The following RBFOX1 variants were observed in gnomAD, a reference collection of about 807,000 sequenced individuals.
The protein encoded by RBFOX1 is RNA binding fox-1 homolog 1.
RBFOX1 carries 8 observed loss-of-function variants against 57.7 expected under a neutral mutation model. The ratio of observed to expected loss-of-function variants is 0.14; its 90% CI spans 0.08 to 0.25. The LOEUF is 0.25. Ranked by LOEUF, RBFOX1 falls within the 10% of genes least tolerant of loss-of-function variation. The pLI is 1.00. For missense variants in RBFOX1, 611 were observed against 548.5 expected, an observed-to-expected ratio of 1.11 and a Z score of -1.14; for synonymous variants, 326 against 222.4, an observed-to-expected ratio of 1.47 and a Z score of -4.15.
chr16:6,351,621 G>A (rs537226092), intron 2 of RBFOX1, among the ~76,000 whole-genome samples: 8 of 151,908 alleles, frequency 5.3e-5, no homozygotes, highest in African/African-American at 1.7e-4. Context: ...TGATCCGCCC[G>A]TCTTGGCCTC....
At chr16:7,492,330 A>G (rs1388680008) in intron 4 of RBFOX1, among the ~76,000 whole-genome samples, 1 of 152,150 alleles carries the variant, frequency 6.6e-6, no homozygotes, top group East Asian at 1.9e-4. Context: ...ATGGGGGTCA[A>G]CTTTTCTACC....
chr16:5,630,602 C>T (rs2151302809), intron 3 of RBFOX1, among the ~76,000 whole-genome samples: 1 of 152,316 alleles, frequency 6.6e-6, no homozygotes, highest in African/African-American at 2.4e-5. Context: ...TCATGATACT[C>T]TTGATGGAAA....
chr16:6,335,396 T>G lies in RBFOX1; in HGVS notation c.-64+18339T>G, dbSNP rs1305113732. ...GAAGAGAGCCAGGAGAGGGAGGAAG[T>G]TCTAGAAATGTGCTATTGGTAAATA... is the stretch of plus-strand genomic sequence containing the variant. On this transcript the variant is annotated intron_variant, in intron 2 of 15. Coordinates refer to ENST00000550418, the MANE Select transcript of RBFOX1 (RefSeq NM_018723.4). Among the ~76,000 whole-genome samples, 6 of 152,026 alleles carry G rather than the reference T, an allele frequency of 3.9e-5. No individual in the cohort carries two copies. In the East Asian group the frequency reaches 1.2e-3, roughly 29 times the overall value.
chr16:7,613,261 A>G (rs558831521), intron 10 of RBFOX1, among the ~76,000 whole-genome samples: 1 of 152,310 alleles, frequency 6.6e-6, no homozygotes, highest in South Asian at 2.1e-4. Flanking sequence ...TTGAGAGGGA[A>G]AAGAAAATGA....
intron 4 of RBFOX1, among the ~76,000 whole-genome samples, chr16:7,327,499 C>G (rs982520152): frequency 2.0e-5 from 3 of 152,144 alleles, no homozygotes; most frequent in Non-Finnish European, 2.9e-5. Context: ...TTGAAATAAA[C>G]ATTGTCAATA....
intron 9 of RBFOX1, among the ~76,000 whole-genome samples, chr16:7,602,079 G>A (rs970375763): frequency 9.2e-5 from 14 of 152,148 alleles, no homozygotes; most frequent in African/African-American, 3.4e-4. Flanking sequence ...TCTGGAATGC[G>A]TTTCTTTGAT....
At chr16:5,890,819 A>G (rs1410161912) in intron 4 of RBFOX1, among the ~76,000 whole-genome samples, 1 of 152,068 alleles carries the variant, frequency 6.6e-6, no homozygotes, top group Non-Finnish European at 1.5e-5. Context: ...AAGAGGGTTA[A>G]ATGGAATGAT....
At chr16:6,970,167 G>C (rs1031747046) in intron 3 of RBFOX1, among the ~76,000 whole-genome samples, 3 of 151,566 alleles carry the variant, frequency 2.0e-5, no homozygotes, top group Non-Finnish European at 4.4e-5. Flanking sequence ...AACAGAACAA[G>C]ACTCTGGGGG....
chr16:6,964,206 A>G (rs1325697311), intron 3 of RBFOX1, among the ~76,000 whole-genome samples: 2 of 151,670 alleles, frequency 1.3e-5, no homozygotes, highest in African/African-American at 2.4e-5. Context: ...TTTAGTAGAG[A>G]TGGGGTTTCA....
intron 4 of RBFOX1, among the ~76,000 whole-genome samples, chr16:7,120,719 GTC>G (rs2151793093): frequency 6.8e-6 from 1 of 146,694 alleles, no homozygotes; most frequent in Non-Finnish European, 1.5e-5. Flanking sequence ...ACTATACACA[GTC>G]TCTTACAGAA....
At chr16:6,170,409 G>A (rs537003277) in intron 1 of RBFOX1, among the ~76,000 whole-genome samples, 18 of 152,262 alleles carry the variant, frequency 1.2e-4, no homozygotes, top group Middle Eastern at 3.4e-3. Flanking sequence ...CTGAATGAGG[G>A]AATTAATAAA....
At chr16:6,948,371 C>CTTTT (rs1467426841) in intron 3 of RBFOX1, among the ~76,000 whole-genome samples, 1 of 109,656 alleles carries the variant, frequency 9.1e-6, no homozygotes, top group Non-Finnish European at 1.9e-5. Context: ...TTCTTTCTCC[C>CTTTT]TTTCTTTTTT....
chr16:5,637,924 C>G (rs1040888327), intron 3 of RBFOX1, among the ~76,000 whole-genome samples: 19 of 152,190 alleles, frequency 1.2e-4, no homozygotes, highest in African/African-American at 4.3e-4. Flanking sequence ...AAGCACCAAG[C>G]CTTCTTTTGA....
intron 1 of RBFOX1, among the ~76,000 whole-genome samples, chr16:6,041,069 G>A (rs950702923): frequency 6.6e-6 from 1 of 152,102 alleles, no homozygotes; most frequent in Non-Finnish European, 1.5e-5. Context: ...ATAGAGAATA[G>A]TTTCCCTGCT....
chr16:6,510,087 T>A (rs1386540506), intron 2 of RBFOX1, among the ~76,000 whole-genome samples: 4 of 152,184 alleles, frequency 2.6e-5, no homozygotes, highest in Non-Finnish European at 5.9e-5. Flanking sequence ...TTATAGTTAC[T>A]GAAAGCTTCT....
chr16:5,503,343 C>T (rs2043264317), intron 2 of RBFOX1, among the ~76,000 whole-genome samples: 1 of 152,240 alleles, frequency 6.6e-6, no homozygotes, highest in Non-Finnish European at 1.5e-5. Flanking sequence ...ATCTCCCTCA[C>T]CCCTCTTCTT....
chr16:6,092,397 C>T (rs545190367), intron 1 of RBFOX1: 2 of 152,204 alleles, frequency 1.3e-5, no homozygotes, highest in Non-Finnish European at 2.9e-5. Flanking sequence ...AATTCTATGT[C>T]TCCTACCTTC....
chr16:6,895,460 A>G (rs1204033417), intron 3 of RBFOX1, among the ~76,000 whole-genome samples: 22 of 91,344 alleles, frequency 2.4e-4, no homozygotes, highest in South Asian at 1.9e-3. Flanking sequence ...ATATATATAT[A>G]TATATATATA....
intron 3 of RBFOX1, among the ~76,000 whole-genome samples, chr16:6,705,778 G>A (rs556674313): frequency 8.1e-4 from 124 of 152,240 alleles, no homozygotes; most frequent in African/African-American, 2.8e-3. Flanking sequence ...AGCAATTTGG[G>A]AGCCCGAGGC....
Sources: gnomAD v4.1 joint callset for allele counts (sites outside exome capture counted in the v4.1 genomes callset) on GRCh38, gnomAD v4.1.1 for gene constraint, MANE v1.5 for transcripts, NCBI Gene and HGNC (gene_info 2026-07-23, HGNC 2026-07-21) for gene names.